Variants in PSD3 observed in about 807,000 individuals in gnomAD.
PSD3 encodes the protein pleckstrin and Sec7 domain containing 3.
PSD3 carries 49 observed loss-of-function variants against 105.5 expected under a neutral mutation model. The observed-to-expected ratio is 0.46, with a 90% CI of 0.37 to 0.59. PSD3 has a LOEUF of 0.59. Ranked by LOEUF, PSD3 falls within the 20% of genes least tolerant of loss-of-function variation. The pLI, the probability that PSD3 is intolerant of heterozygous loss-of-function variation, is 0.00. For synonymous variants in PSD3, 557 were observed against 457.8 expected, an observed-to-expected ratio of 1.22 and a Z score of -2.77; for missense variants, 1,561 against 1,263.8, an observed-to-expected ratio of 1.24 and a Z score of -3.57.
chr8:18,569,485 G>C (rs1274002490), intron 14 of PSD3, among the ~76,000 whole-genome samples: 2 of 149,188 alleles, frequency 1.3e-5, no homozygotes, highest in Non-Finnish European at 1.5e-5. Context: ...GCCAAATCAT[G>C]AGTGAACTCC....
chr8:18,750,565 A>G (rs1053766024), intron 9 of PSD3, among the ~76,000 whole-genome samples: 1 of 152,014 alleles, frequency 6.6e-6, no homozygotes, highest in Admixed American at 6.6e-5. Flanking sequence ...AACCTTCCAC[A>G]GTGTGGAAGG....
intron 9 of PSD3, among the ~76,000 whole-genome samples, chr8:18,704,954 A>G (rs904559498): frequency 6.6e-6 from 1 of 152,178 alleles, no homozygotes; most frequent in African/African-American, 2.4e-5. Context: ...CCCCAAAATG[A>G]AGAAAGCAAG....
intron 1 of PSD3, among the ~76,000 whole-genome samples, chr8:19,072,730 G>C (rs1318293891): frequency 2.0e-5 from 3 of 152,152 alleles, no homozygotes; most frequent in Admixed American, 2.0e-4. Flanking sequence ...GGTGGATGGA[G>C]GACTGGCAAT....
chr8:18,617,670 A>G (rs1805795591), intron 11 of PSD3, among the ~76,000 whole-genome samples: 1 of 152,152 alleles, frequency 6.6e-6, no homozygotes, highest in Admixed American at 6.5e-5. Flanking sequence ...CCAGTTTAGG[A>G]CATGACAGAA....
Position 18,871,646 on chromosome 8 carries a change from T to C in PSD3, c.1218A>G (p.Lys406=), listed in dbSNP as rs779669569. 1.9e-6 allele frequency: 3 copies of C among 1,609,978 alleles called. No homozygotes were observed. Among genetic ancestry groups the C allele is most frequent in the Non-Finnish European group, 2.5e-6 (3 of 1,177,966 alleles). ...ENKQHLEKTP[K]PERDRERISE... ...CTCACCTTTCCCTGTCTCTCTCTGG[T>C]TTAGGTGTCTTCTCAAGATGCTGTT... The change falls in exon 3 of 16, where the codon AAA becomes AAG. Residue 406 remains lysine, a synonymous_variant. Transcript: ENST00000327040.
chr8:18,936,843 T>A (rs1031822655), intron 1 of PSD3, among the ~76,000 whole-genome samples: 18 of 152,094 alleles, frequency 1.2e-4, no homozygotes, highest in South Asian at 6.2e-4. Flanking sequence ...ATAACAAGAA[T>A]ATTTCTTTGT....
chr8:18,972,373 G>C (rs17384653), intron 1 of PSD3, among the ~76,000 whole-genome samples: 43,176 of 152,126 alleles, frequency 0.28, 6,933 homozygotes, highest in Middle Eastern at 0.51. Flanking sequence ...CCAGGTGCAG[G>C]AATAACAAAC....
chr8:19,083,678 C>A (rs2129478439), intron 1 of PSD3, among the ~76,000 whole-genome samples: 1 of 152,276 alleles, frequency 6.6e-6, no homozygotes, highest in Non-Finnish European at 1.5e-5. Flanking sequence ...TCCCTGGAGC[C>A]TCCCCCATTG....
intron 1 of PSD3, among the ~76,000 whole-genome samples, chr8:19,030,695 C>T (rs1827735772): frequency 6.6e-6 from 1 of 152,124 alleles, no homozygotes; most frequent in Non-Finnish European, 1.5e-5. Context: ...CCAATTAAAC[C>T]TCTTTTTAAT....
intron 12 of PSD3, among the ~76,000 whole-genome samples, chr8:18,589,328 T>C (rs959533443): frequency 1.3e-5 from 2 of 152,200 alleles, no homozygotes; most frequent in African/African-American, 4.8e-5. Flanking sequence ...GTCATGACCC[T>C]CAAAGTAATG....
chr8:18,603,677 G>A (rs1212872701), intron 11 of PSD3, among the ~76,000 whole-genome samples: 1 of 152,138 alleles, frequency 6.6e-6, no homozygotes, highest in African/African-American at 2.4e-5. Context: ...GTAGCCTGGT[G>A]GGAGGTGATT....
chr8:18,921,641 T>C (rs967541203), intron 2 of PSD3, among the ~76,000 whole-genome samples: 1 of 152,198 alleles, frequency 6.6e-6, no homozygotes, highest in African/African-American at 2.4e-5. Flanking sequence ...GCTTCCTGCA[T>C]TGGCTTCATA....
chr8:19,073,916 G>A (rs1254294431), intron 1 of PSD3, among the ~76,000 whole-genome samples: 2 of 151,496 alleles, frequency 1.3e-5, no homozygotes, highest in Admixed American at 6.6e-5. Context: ...TCAGCTTCCC[G>A]AGTAGCTGGG....
intron 4 of PSD3, among the ~76,000 whole-genome samples, chr8:18,824,760 A>C (rs143677897): frequency 1.9e-4 from 29 of 152,292 alleles, no homozygotes; most frequent in African/African-American, 6.3e-4. Context: ...TCAACACCTG[A>C]CTGCGATACA....
chr8:18,992,018 T>C (rs1825832854), intron 1 of PSD3, among the ~76,000 whole-genome samples: 2 of 152,198 alleles, frequency 1.3e-5, no homozygotes, highest in Admixed American at 1.3e-4. Context: ...AATTGAATCA[T>C]CAGTGAAAAT....
chr8:18,660,176 G>A (rs1809242514), intron 9 of PSD3, among the ~76,000 whole-genome samples: 1 of 152,110 alleles, frequency 6.6e-6, no homozygotes, highest in African/African-American at 2.4e-5. Context: ...AATCACAAGT[G>A]TCTTTATAGA....
chr8:18,788,718 A>G (rs1198579084), intron 8 of PSD3, among the ~76,000 whole-genome samples: 13 of 152,198 alleles, frequency 8.5e-5, no homozygotes, highest in Admixed American at 8.5e-4. Context: ...AAAACACAGC[A>G]GGCATACTCT....
At chr8:18,690,414 A>C (rs916859818) in intron 9 of PSD3, among the ~76,000 whole-genome samples, 1 of 152,232 alleles carries the variant, frequency 6.6e-6, no homozygotes, top group African/African-American at 2.4e-5. Context: ...AAACAGATAC[A>C]TTGGATCAAA....
At chr8:18,779,059 T>C (rs1322805653) in intron 8 of PSD3, among the ~76,000 whole-genome samples, 1 of 152,140 alleles carries the variant, frequency 6.6e-6, no homozygotes, top group Non-Finnish European at 1.5e-5. Context: ...TTTGTAGCAT[T>C]CAGCAGTAAA....
Sources: allele counts gnomAD v4.1 joint callset (sites outside exome capture counted in the v4.1 genomes callset), GRCh38; gene constraint gnomAD v4.1.1; transcripts MANE v1.5; gene names NCBI Gene and HGNC (gene_info 2026-07-23, HGNC 2026-07-21).